ASAP1: variants seen among roughly 807,000 people sequenced by gnomAD.
ASAP1 encodes ArfGAP with SH3 domain, ankyrin repeat and PH domain 1.
A neutral mutation model predicts 145.2 loss-of-function variants in ASAP1; 43 were observed. The ratio of observed to expected loss-of-function variants is 0.30; its 90% CI spans 0.23 to 0.38. The LOEUF (loss-of-function observed/expected upper bound fraction) is 0.38, where lower values mean the gene tolerates loss of function less well. ASAP1 is among the 10% of genes least tolerant of loss of function. The pLI is 1.00. For synonymous variants in ASAP1, 546 were observed against 515.5 expected (o/e 1.06, Z -0.80); for missense variants, 1,018 against 1,355.3 (o/e 0.75, Z 3.91).
chr8:130,070,069 C>T (rs2097439251), intron 27 of ASAP1, among the ~76,000 whole-genome samples: 1 of 152,098 alleles, frequency 6.6e-6, no homozygotes, highest in African/African-American at 2.4e-5. Flanking sequence ...CGGAGTCTCA[C>T]TCTGTCGCCC....
chr8:130,242,881 A>C (rs1299177581), intron 3 of ASAP1, among the ~76,000 whole-genome samples: 1 of 152,252 alleles, frequency 6.6e-6, no homozygotes, highest in Admixed American at 6.5e-5. Context: ...TTGACCTTCC[A>C]TACCTGTGGG....
In ASAP1 at chr8:130,188,723, C is replaced by CAAAAAAAAAAAA. The variant is rs370580190; in HGVS notation, c.406-552_406-541dup. Among the ~76,000 whole-genome samples, 246 of 83,684 alleles carry CAAAAAAAAAAAA rather than the reference C, an allele frequency of 2.9e-3. 1 individual carries two copies. Among genetic ancestry groups the CAAAAAAAAAAAA allele is most frequent in the Non-Finnish European group, 4.0e-3 (179 of 44,492 alleles). 54.9% of individuals were successfully genotyped at this position (83,684 alleles called of 152,430 possible). A position where few individuals can be genotyped will look rare whatever the true frequency, so the allele number is the denominator to read the frequency against. Reference sequence around the variant, plus strand: ...TTCCAGCCTGAGTGAGAGACTCTCTCAAAAAAAAAAAAAAAAAAAAAAGAA... The same window carrying CAAAAAAAAAAAA: ...TTCCAGCCTGAGTGAGAGACTCTCTCAAAAAAAAAAAAAAAAAAAAAAAAAAAAAAAAAAGAA... On this transcript the variant is annotated intron_variant, in intron 5 of 29. Coordinates refer to ENST00000518721, the MANE Select transcript of ASAP1 (RefSeq NM_018482.4).
At chr8:130,407,742 G>A (rs59012190) in intron 1 of ASAP1, among the ~76,000 whole-genome samples, 3,128 of 152,240 alleles carry the variant, frequency 0.021, 98 homozygotes, top group African/African-American at 0.07. Context: ...TGCAGGAATC[G>A]GGGACATAAA....
At chr8:130,324,566 T>C (rs1439189119) in intron 3 of ASAP1, among the ~76,000 whole-genome samples, 1 of 152,166 alleles carries the variant, frequency 6.6e-6, no homozygotes, top group Non-Finnish European at 1.5e-5. Context: ...AACCAAGAAC[T>C]GACAATACAT....
intron 4 of ASAP1, among the ~76,000 whole-genome samples, chr8:130,228,938 C>A (rs1817748204): frequency 6.6e-6 from 1 of 151,988 alleles, no homozygotes; most frequent in South Asian, 2.1e-4. Flanking sequence ...GTTCCAGTCC[C>A]CCCAGCACCC....
chr8:130,310,435 C>T (rs1253059726), intron 3 of ASAP1, among the ~76,000 whole-genome samples: 10 of 152,040 alleles, frequency 6.6e-5, no homozygotes, highest in South Asian at 2.1e-4. Flanking sequence ...AGCAAATACT[C>T]GGAAAGATAG....
intron 9 of ASAP1, among the ~76,000 whole-genome samples, chr8:130,170,962 C>G (rs1201311340): frequency 6.6e-6 from 1 of 152,186 alleles, no homozygotes; most frequent in Non-Finnish European, 1.5e-5. Flanking sequence ...GTAATCTGCT[C>G]TCCTTGGTCT....
chr8:130,163,229 TTAAAA>T (rs1362153258), intron 11 of ASAP1: 3 of 152,174 alleles, frequency 2.0e-5, no homozygotes, highest in African/African-American at 7.2e-5. Context: ...TTGCTAACCT[TTAAAA>T]TAAAACACTA....
chr8:130,247,039 A>G (rs889392656), intron 3 of ASAP1: 4 of 152,216 alleles, frequency 2.6e-5, no homozygotes, highest in African/African-American at 9.6e-5. Context: ...CCACGGCTAC[A>G]AACACAAGCT....
intron 5 of ASAP1, among the ~76,000 whole-genome samples, chr8:130,198,034 G>A (rs898679091): frequency 2.0e-5 from 3 of 151,870 alleles, no homozygotes; most frequent in Admixed American, 6.6e-5. Flanking sequence ...TCTTTTCTTC[G>A]GCCTCTTGAA....
At chr8:130,086,755 G>C (rs1401902156) in intron 25 of ASAP1, among the ~76,000 whole-genome samples, 1 of 152,188 alleles carries the variant, frequency 6.6e-6, no homozygotes, top group Non-Finnish European at 1.5e-5. Flanking sequence ...AGTGAGCTAT[G>C]ATCACGCCAC....
rs1288279613 is a variant in ASAP1, at chr8:130,099,598, T to G, written c.2402-7455A>C. On this transcript the variant is annotated intron_variant, in intron 24 of 29. Coordinates refer to ENST00000518721, the MANE Select transcript of ASAP1 (RefSeq NM_018482.4). Reference sequence around the variant, plus strand: ...CACATGAGTGAGAACATGCAGTATTTATCTTTCTGTGCCTGGCTTATTTCA... The same window carrying G: ...CACATGAGTGAGAACATGCAGTATTGATCTTTCTGTGCCTGGCTTATTTCA... Among the ~76,000 whole-genome samples, 7 of 152,272 alleles carry G rather than the reference T, an allele frequency of 4.6e-5. No individual in the cohort carries two copies. In the East Asian group the frequency reaches 1.4e-3, roughly 29 times the overall value.
At chr8:130,090,558 C>T (rs1414817346) in intron 25 of ASAP1, among the ~76,000 whole-genome samples, 1 of 152,162 alleles carries the variant, frequency 6.6e-6, no homozygotes, top group Non-Finnish European at 1.5e-5. Flanking sequence ...TTCTCTAAAC[C>T]TTCCCTGGCT....
intron 3 of ASAP1, among the ~76,000 whole-genome samples, chr8:130,352,155 C>T (rs1826031603): frequency 6.7e-6 from 1 of 149,636 alleles, no homozygotes. Context: ...CCCAAACATA[C>T]TTTCTCTACA....
At chr8:130,119,042 A>G (rs922178560) in intron 18 of ASAP1, among the ~76,000 whole-genome samples, 5 of 152,198 alleles carry the variant, frequency 3.3e-5, no homozygotes, top group African/African-American at 9.7e-5. Context: ...TGAAAGACCA[A>G]TTAAAAGTTT....
chr8:130,116,879 C>A lies in ASAP1; in HGVS notation c.1996+1G>T. The A allele has an allele frequency of 1.2e-6, 2 of 1,611,372 alleles. No homozygotes were observed. Among genetic ancestry groups the A allele is most frequent in the Admixed American group, 1.7e-5 (1 of 59,982 alleles). The stretch of plus-strand genomic sequence containing the variant: ...CATGAAGACACTAGACACACTCTTA[C>A]CTATATCCACAGTGGGCTTGCTCCT... On this transcript the variant is annotated splice_donor_variant, in intron 21 of 29. Coordinates refer to ENST00000518721, the MANE Select transcript of ASAP1 (RefSeq NM_018482.4). LOFTEE classifies it high-confidence loss of function.
intron 3 of ASAP1, among the ~76,000 whole-genome samples, chr8:130,298,448 C>A (rs1586781276): frequency 1.3e-5 from 2 of 152,174 alleles, no homozygotes; most frequent in Admixed American, 1.3e-4. Context: ...CTCTTCGAGG[C>A]CAGGCCACCA....
In ASAP1 at chr8:130,134,470, C is replaced by CG. The variant is rs761161899; in HGVS notation, c.1169-127dup. On this transcript the variant is annotated intron_variant, in intron 14 of 29. Coordinates refer to ENST00000518721, the MANE Select transcript of ASAP1 (RefSeq NM_018482.4). ...GAATTTTAATATTATTTTAGTTTTA[C>CG]GCCATTATGTGCCAGGTGCCTTGTG... The CG allele has an allele frequency of 3.1e-5, 16 of 516,828 alleles. 1 individual carries two copies. The highest frequency in any genetic ancestry group is 5.2e-5 in the Non-Finnish European group (16 of 309,246). The allele number at this position is 516,828 out of a possible 1,614,324, so 32.0% of individuals were successfully genotyped here. A position where few individuals can be genotyped will look rare whatever the true frequency, so the allele number is the denominator to read the frequency against.
At chr8:130,331,993 T>C (rs1426860983) in intron 3 of ASAP1, among the ~76,000 whole-genome samples, 1 of 152,182 alleles carries the variant, frequency 6.6e-6, no homozygotes, top group Non-Finnish European at 1.5e-5. Context: ...GAGAGAATGA[T>C]GGAATACACA....
Sources: gnomAD v4.1 joint callset for allele counts (sites outside exome capture counted in the v4.1 genomes callset) on GRCh38, gnomAD v4.1.1 for gene constraint, MANE v1.5 for transcripts, NCBI Gene and HGNC (gene_info 2026-07-23, HGNC 2026-07-21) for gene names.